SARS2: variants seen among roughly 807,000 people sequenced by gnomAD.
SARS2 encodes seryl-tRNA synthetase 2, mitochondrial, also known as serine--tRNA ligase, mitochondrial.
In SARS2, 52 loss-of-function variants were observed where a neutral mutation model predicts 66.8. The ratio of observed to expected loss-of-function variants is 0.78; its 90% CI spans 0.62 to 0.98. The LOEUF is 0.98. SARS2 is among the 50% of genes least tolerant of loss of function. SARS2 has a pLI of 0.00. For synonymous variants in SARS2, 306 were observed against 281.4 expected, an observed-to-expected ratio of 1.09 and a Z score of -0.87; for missense variants, 673 against 706.3, an observed-to-expected ratio of 0.95 and a Z score of 0.53.
chr19:38,919,639 T>C (rs2039447579), intron 7 of SARS2, 123 bp downstream of exon 7: 3 of 777,656 alleles, frequency 3.9e-6, no homozygotes, highest in Non-Finnish European at 6.9e-6. Flanking sequence ...GTGTCAATGA[T>C]ACACATGAAG....
At chr19:38,921,327 C>A (rs1974530354) in intron 5 of SARS2, 65 bp downstream of exon 5, 3 of 1,565,816 alleles carry the variant, frequency 1.9e-6, no homozygotes, top group Admixed American at 1.7e-5. Flanking sequence ...GGGGCCCCCA[C>A]CCCGAGACCC....
chr19:38,923,224 T>TC (rs1375879348), intron 2 of SARS2, among the ~76,000 whole-genome samples: 14 of 124,438 alleles, frequency 1.1e-4, no homozygotes, highest in African/African-American at 2.8e-4. Flanking sequence ...GTTTTCTTTT[T>TC]TTTTTTTTTT....
In SARS2 at chr19:38,921,326, A is replaced by C. The variant is rs2144771048; in HGVS notation, c.589+66T>G. 5 of 1,546,708 alleles carry C rather than the reference A, an allele frequency of 3.2e-6. No individual in the cohort carries two copies. The South Asian group carries it at 3.4e-5, about 11-fold the overall frequency. The stretch of plus-strand genomic sequence containing the variant: ...ATGTTCCCAGACCCCAGGGGCCCCC[A>C]CCCCGAGACCCCAGAACCCCCACAC... On this transcript the variant is annotated intron_variant, in intron 5 of 15. Coordinates refer to ENST00000221431, the MANE Select transcript of SARS2 (RefSeq NM_017827.4).
Position 38,930,532 on chromosome 19 carries a change from C to A in SARS2, c.205G>T (p.Glu69Ter). The change falls in exon 1 of 16, where the codon GAG becomes TAG. Residue 69 changes from glutamate to a stop codon, truncating the protein, a stop_gained. Transcript: ENST00000221431. LOFTEE classifies it high-confidence loss of function. ...CGGAGCTCCAGGGCGTGTGCGGCCTCTTCTGGGCATGCGCAGAACCGCTCT... is the reference window on the plus strand; with the variant it reads ...CGGAGCTCCAGGGCGTGTGCGGCCTATTCTGGGCATGCGCAGAACCGCTCT... ...DIERFCACPE[E>*]AAHALELRKG... 6.2e-7 allele frequency: 1 copy of A among 1,613,498 alleles called. No homozygotes were observed. Among genetic ancestry groups the A allele is most frequent in the Non-Finnish European group, 8.5e-7 (1 of 1,179,972 alleles).
In SARS2 at chr19:38,915,422, G is replaced by A; in HGVS notation, c.*184C>T. The A allele has an allele frequency of 1.6e-6, 1 of 641,264 alleles. No homozygotes were observed. Among genetic ancestry groups the A allele is most frequent in the African/African-American group, 1.8e-5 (1 of 54,848 alleles). 39.7% of individuals were successfully genotyped at this position (641,264 alleles called of 1,614,324 possible). ...GGGACCCTCAATGATAACAGGGTCA[G>A]TGACTGACTCTGAGGCAGCAAGGAC... On this transcript the variant is annotated 3_prime_UTR_variant, in exon 16 of 16. Transcript: ENST00000221431.
intron 2 of SARS2, among the ~76,000 whole-genome samples, chr19:38,922,563 T>C (rs1157571350): frequency 2.6e-5 from 4 of 152,190 alleles, no homozygotes; most frequent in South Asian, 2.1e-4. Context: ...CTTTAGGAGG[T>C]AGGCATTCGT....
rs377601567 is a variant in SARS2, at chr19:38,926,215, C to T, written c.353G>A (p.Arg118Gln). 37 of 1,605,864 alleles carry T rather than the reference C, an allele frequency of 2.3e-5. No individual in the cohort carries two copies. In the African/African-American group the frequency reaches 3.9e-4, roughly 17 times the overall value. ...GGGCACCATGCTCACCAGCAGGGCCCGCACTGCCTCAGTCACAGCTGCCTT... is the reference window on the plus strand; with the variant it reads ...GGGCACCATGCTCACCAGCAGGGCCTGCACTGCCTCAGTCACAGCTGCCTT... Reference protein sequence around the residue: ...EEKAAVTEAVRALLANQDSGE... With the variant: ...EEKAAVTEAVQALLANQDSGE... The change falls in exon 2 of 16, where the codon CGG (arginine) becomes CAG (glutamine). Residue 118 changes from arginine (R) to glutamine (Q), a missense_variant. Arg to Gln is a conservative substitution (Grantham distance 43, BLOSUM62 1). Coordinates refer to ENST00000221431, the MANE Select transcript of SARS2 (RefSeq NM_017827.4).
chr19:38,925,419 G>A lies in SARS2; in HGVS notation c.363+786C>T, dbSNP rs532977755. Among the ~76,000 whole-genome samples the A allele has an allele frequency of 1.3e-4, 20 of 152,318 alleles. No homozygotes were observed. In the East Asian group the frequency reaches 3.7e-3, roughly 28 times the overall value. ...TGTAGTTCAGGGGAAGTGGGCCCAGGTGGAGGATGGCCTCTGATCAGCCTA... is the reference window on the plus strand; with the variant it reads ...TGTAGTTCAGGGGAAGTGGGCCCAGATGGAGGATGGCCTCTGATCAGCCTA... On this transcript the variant is annotated intron_variant, in intron 2 of 15. Coordinates refer to ENST00000221431, the MANE Select transcript of SARS2 (RefSeq NM_017827.4).
chr19:38,926,118 T>TC, intron 2 of SARS2, 87 bp downstream of exon 2: 1 of 1,157,922 alleles, frequency 8.6e-7, no homozygotes, highest in Non-Finnish European at 1.3e-6. Flanking sequence ...GCCAGCCTGT[T>TC]CAAGTTCTTT....
chr19:38,920,396 G>A (rs907403909), intron 5 of SARS2, among the ~76,000 whole-genome samples: 9 of 151,542 alleles, frequency 5.9e-5, no homozygotes, highest in Admixed American at 1.3e-4. Flanking sequence ...ATAAGAGGGC[G>A]CGGGGTGGGG....
rs553120060 is a variant in SARS2, at chr19:38,921,976, C to T, written c.393+262G>A. 984 of 1,551,550 alleles carry T rather than the reference C, an allele frequency of 6.3e-4. 6 individuals carry two copies. The highest frequency in any genetic ancestry group is 1.4e-3 in the South Asian group (121 of 84,076). ...ACTTTAACTGGAACTATCAGGAAAGCGTGCTTGACTTTGCCTCCTACTTAC... is the reference window on the plus strand; with the variant it reads ...ACTTTAACTGGAACTATCAGGAAAGTGTGCTTGACTTTGCCTCCTACTTAC... On this transcript the variant is annotated intron_variant, in intron 3 of 15. Coordinates refer to ENST00000221431, the MANE Select transcript of SARS2 (RefSeq NM_017827.4).
intron 7 of SARS2, 40 bp downstream of exon 7, chr19:38,919,722 T>A (rs1307067878): frequency 7.1e-6 from 11 of 1,541,712 alleles, no homozygotes; most frequent in Non-Finnish European, 9.9e-6. Context: ...TCAGCTTCGA[T>A]GCCACCCCCT....
intron 1 of SARS2, among the ~76,000 whole-genome samples, chr19:38,927,949 C>G (rs936134930): frequency 2.6e-5 from 4 of 152,166 alleles, no homozygotes; most frequent in Non-Finnish European, 5.9e-5. Flanking sequence ...AGGAGAATTG[C>G]TTGAACCCGG....
chr19:38,916,403 C>A (rs1489434069), intron 12 of SARS2, 89 bp from the exon 13 acceptor site: 9 of 1,209,274 alleles, frequency 7.4e-6, no homozygotes, highest in African/African-American at 1.5e-5. Flanking sequence ...AGAAGGCAGC[C>A]AAAAAGCAGG....
At chr19:38,918,976 AG>A (rs1974470318) in intron 7 of SARS2, among the ~76,000 whole-genome samples, 163 bp from the exon 8 acceptor site, 1 of 152,178 alleles carries the variant, frequency 6.6e-6, no homozygotes, top group South Asian at 2.1e-4. Flanking sequence ...TGGGAGGCTG[AG>A]GTGGGCGGAT....
intron 1 of SARS2, 45 bp from the exon 2 acceptor site, chr19:38,926,345 C>A (rs1257100762): frequency 6.4e-7 from 1 of 1,571,450 alleles, no homozygotes; most frequent in East Asian, 2.3e-5. Flanking sequence ...GCCATCACCC[C>A]TACCCTTCTC....
chr19:38,916,351 G>C (rs751107252), intron 12 of SARS2, 37 bp from the exon 13 acceptor site: 4 of 1,561,920 alleles, frequency 2.6e-6, no homozygotes, highest in Non-Finnish European at 3.5e-6. Flanking sequence ...AAGGTCAGCG[G>C]GTGAGAGGAG....
chr19:38,917,875 G>A (rs774110861), intron 11 of SARS2, 42 bp from the exon 12 acceptor site: 1 of 1,612,934 alleles, frequency 6.2e-7, no homozygotes, highest in South Asian at 1.1e-5. Flanking sequence ...CTGAGCTCTT[G>A]GGGTGGCCCC....
chr19:38,928,524 T>A lies in SARS2; in HGVS notation c.267+1946A>T, dbSNP rs1279675472. 2.0e-5 allele frequency among the ~76,000 whole-genome samples: 3 copies of A among 149,342 alleles called. No individual in the cohort carries two copies. The Admixed American group carries it at 2.0e-4, about 10-fold the overall frequency. ...ACGTGGTAAGAGCAATAATTGTTAA[T>A]GAAACCGGTTTCAATTTTGGGTGTG... On this transcript the variant is annotated intron_variant, in intron 1 of 15. Coordinates refer to ENST00000221431, the MANE Select transcript of SARS2 (RefSeq NM_017827.4).
Sources: allele counts gnomAD v4.1 joint callset (sites outside exome capture counted in the v4.1 genomes callset), GRCh38; gene constraint gnomAD v4.1.1; transcripts MANE v1.5; gene names NCBI Gene and HGNC (gene_info 2026-07-23, HGNC 2026-07-21).